ZFX: variants seen among roughly 807,000 people sequenced by gnomAD.
ZFX encodes zinc finger protein X-linked.
For missense variants in ZFX, 362 were observed against 628.3 expected (o/e 0.58, Z 4.53); for synonymous variants, 196 against 226.8 (o/e 0.86, Z 1.22).
At chrX:24,165,483 CTAAGT>C (rs1181938985) in intron 3 of ZFX, among the ~76,000 whole-genome samples, 1 of 112,557 alleles carries the variant, frequency 8.9e-6, no homozygotes, top group African/African-American at 3.2e-5. Flanking sequence ...AGAAAACTTA[CTAAGT>C]TAACAACTAT....
chrX:24,169,940 C>T (rs1569133818), intron 3 of ZFX, among the ~76,000 whole-genome samples: 1 of 110,470 alleles, frequency 9.1e-6, no homozygotes, highest in Admixed American at 9.7e-5. Flanking sequence ...GGAAGGAGAG[C>T]ACTTCACAAA....
At chrX:24,194,745 A>AT (rs201382772) in intron 5 of ZFX, among the ~76,000 whole-genome samples, 3,207 of 103,296 alleles carry the variant, frequency 0.031, 111 homozygotes, top group African/African-American at 0.08. Flanking sequence ...TACAGTAAAA[A>AT]ATTTTTTTTT....
chrX:24,198,581 C>G (rs143778777), intron 5 of ZFX, among the ~76,000 whole-genome samples: 90 of 108,588 alleles, frequency 8.3e-4, no homozygotes, highest in African/African-American at 3.0e-3. Context: ...ATGAATGTTG[C>G]TTGCTTACTC....
At chrX:24,161,667 C>T (rs1601810994) in intron 3 of ZFX, 1 of 103,653 alleles carries the variant, frequency 9.6e-6, no homozygotes, top group Non-Finnish European at 1.9e-5. Context: ...ACTAATCTAA[C>T]ATATTCTTTT....
chrX:24,172,687 C>T, intron 3 of ZFX, 28 bp from the exon 4 acceptor site: 1 of 1,074,139 alleles, frequency 9.3e-7, no homozygotes, highest in Non-Finnish European at 1.2e-6. Flanking sequence ...AAACTAATGG[C>T]TTTGGTTTAC....
At position 24,207,416 on chromosome X, in the gene ZFX, C is replaced by A. The variant is rs1040610638; in HGVS notation, c.737C>A (p.Thr246Asn). ...SEIDPCKVDG[T>N]CPEVIKVYIF... Reference sequence around the variant, plus strand: ...ATTGATCCTTGTAAAGTGGATGGCACTTGCCCTGAGGTCATCAAGGTGTAC... The same window carrying A: ...ATTGATCCTTGTAAAGTGGATGGCAATTGCCCTGAGGTCATCAAGGTGTAC... Residue 246 changes from threonine to asparagine, a missense_variant, in exon 6 of 10, where the codon ACT becomes AAT. Transcript: ENST00000304543. 2.5e-6 allele frequency: 3 copies of A among 1,210,505 alleles called. No individual in the cohort carries two copies. The highest frequency in any genetic ancestry group is 3.0e-5 in the East Asian group (1 of 33,820).
chrX:24,179,421 C>G lies in ZFX; in HGVS notation c.297C>G (p.Asp99Glu), dbSNP rs746241053. 8.3e-7 allele frequency: 1 copy of G among 1,210,953 alleles called. No homozygotes were observed. The highest frequency in any genetic ancestry group is 1.7e-5 in the African/African-American group (1 of 57,426). The change falls in exon 5 of 10, where the codon GAC becomes GAG. Residue 99 changes from aspartate to glutamate, a missense_variant. Transcript: ENST00000304543. ...ETVIIPEQVL[D>E]SDVTEEVSLA... Reference sequence around the variant, plus strand: ...TCATCATTCCTGAGCAAGTGCTGGACTCAGATGTAACTGAAGAAGTTTCTT... The same window carrying G: ...TCATCATTCCTGAGCAAGTGCTGGAGTCAGATGTAACTGAAGAAGTTTCTT...
At chrX:24,182,733 C>T (rs184582961) in intron 5 of ZFX, among the ~76,000 whole-genome samples, 2 of 109,778 alleles carry the variant, frequency 1.8e-5, no homozygotes, top group South Asian at 3.9e-4. Flanking sequence ...GCCTGGATGG[C>T]GAAAGTAAGT....
Position 24,172,795 on chromosome X carries a change from C to T in ZFX, c.53C>T (p.Ala18Val). 8.3e-7 allele frequency: 1 copy of T among 1,201,169 alleles called. No individual in the cohort carries two copies. The change falls in exon 4 of 10, where the codon GCA (alanine) becomes GTA (valine). Residue 18 changes from alanine to valine, a missense_variant. Ala to Val is a moderately conservative substitution (Grantham distance 64, BLOSUM62 0). Coordinates refer to ENST00000304543, the MANE Select transcript of ZFX (RefSeq NM_003410.4). The stretch of plus-strand genomic sequence containing the variant: ...CAAGAGCCAAACTCATTTTTTGATG[C>T]AACAGGTATAACTACTTGAATTGTT... ...LQQEPNSFFD[A>V]TGADGTHMDG...
rs1312312766 is a variant in ZFX, at chrX:24,207,234, C to CA, written c.647-81dup. On this transcript the variant is annotated intron_variant, in intron 5 of 9. Transcript: ENST00000304543. ...CCTGGGTGACAGTGAGACTCCGTCT[C>CA]AAAAAAAAAAATTTTTTTTTTTTTT... 1,864 of 824,303 alleles carry CA rather than the reference C, an allele frequency of 2.3e-3. 1 individual carries two copies. The highest frequency in any genetic ancestry group is 3.9e-3 in the African/African-American group (139 of 35,934). The allele number at this position is 824,303 out of a possible 1,213,427, so 67.9% of individuals were successfully genotyped here. A position where few individuals can be genotyped will look rare whatever the true frequency, so the allele number is the denominator to read the frequency against.
chrX:24,173,755 ATT>A (rs748379061), intron 4 of ZFX: 9,204 of 337,497 alleles, frequency 0.027, no homozygotes, highest in East Asian at 0.03. Flanking sequence ...TAACTTTTGT[ATT>A]TTTTTTTTTT....
chrX:24,212,616 T>C lies in ZFX; in HGVS notation c.*1240T>C, dbSNP rs1222247385. ...CAGACATGACTCCCACAGTTCTCTT[T>C]GAGAAGCCTGAGAGGGAACTCTGTC... On this transcript the variant is annotated 3_prime_UTR_variant, in exon 10 of 10. Transcript: ENST00000304543. 8.9e-6 allele frequency: 1 copy of C among 112,359 alleles called. No individual in the cohort carries two copies. The highest frequency in any genetic ancestry group is 1.9e-5 in the Non-Finnish European group (1 of 53,192). The allele number at this position is 112,359 out of a possible 1,213,427, so 9.3% of individuals were successfully genotyped here.
rs762873800 is a variant in ZFX, at chrX:24,179,654, CAGA to C, written c.536_538del (p.Glu179del). The C allele has an allele frequency of 2.6e-5, 31 of 1,210,173 alleles. No homozygotes were observed. The highest frequency in any genetic ancestry group is 2.3e-4 in the Middle Eastern group (1 of 4,376). On this transcript the variant is annotated inframe_deletion, in exon 5 of 10. Transcript: ENST00000304543. The stretch of plus-strand genomic sequence containing the variant: ...GATCCTCTGACTACCGACGTAGTTT[CAGA>C]AGAAGTATTGGTAGCAGACTGTGCC...
intron 3 of ZFX, among the ~76,000 whole-genome samples, chrX:24,163,074 T>A (rs1933528624): frequency 9.0e-6 from 1 of 110,623 alleles, no homozygotes; most frequent in South Asian, 3.7e-4. Context: ...CTCAAAAGTT[T>A]GCTTTAAATC....
At chrX:24,174,644 C>T (rs910117184) in intron 4 of ZFX, among the ~76,000 whole-genome samples, 9 of 110,627 alleles carry the variant, frequency 8.1e-5, no homozygotes, top group South Asian at 3.9e-4. Flanking sequence ...TCGCCTGCCT[C>T]GGCCTCCCAA....
intron 5 of ZFX, among the ~76,000 whole-genome samples, chrX:24,195,684 A>T (rs1936873917): frequency 9.0e-6 from 1 of 111,338 alleles, no homozygotes. Flanking sequence ...GTTCTAGTAG[A>T]GACGTTTCAC....
In ZFX at chrX:24,158,675, C is replaced by T. The variant is rs1218050499; in HGVS notation, c.-29+5845C>T. Among the ~76,000 whole-genome samples the T allele has an allele frequency of 2.7e-5, 3 of 111,115 alleles. No homozygotes were observed. The East Asian group carries it at 8.4e-4, about 31-fold the overall frequency. On this transcript the variant is annotated intron_variant, in intron 3 of 9. Transcript: ENST00000304543. ...ATTTTGAGCCGGGGTCTTGCTCTGT[C>T]GCCCAGGCTGGAGTGCAATGGTGCG...
At position 24,207,705 on chromosome X, in the gene ZFX, T is replaced by C. The variant is rs1388314630; in HGVS notation, c.797-7T>C. On this transcript the variant is annotated splice_region_variant and splice_polypyrimidine_tract_variant and intron_variant, in intron 6 of 9. Coordinates refer to ENST00000304543, the MANE Select transcript of ZFX (RefSeq NM_003410.4). ...TTATTGAAGCTGTCTTCTTCCCTGA[T>C]TGATAGGTGGAACTGTAGACATTGT... 5.1e-6 allele frequency: 6 copies of C among 1,186,311 alleles called. No individual in the cohort carries two copies. The East Asian group carries it at 1.5e-4, about 29-fold the overall frequency.
chrX:24,164,903 G>A (rs749178836), intron 3 of ZFX, among the ~76,000 whole-genome samples: 21 of 106,066 alleles, frequency 2.0e-4, no homozygotes, highest in African/African-American at 7.3e-4. Context: ...TGGCGATGTT[G>A]CACTCCAGCC....
Sources: allele counts gnomAD v4.1 joint callset (sites outside exome capture counted in the v4.1 genomes callset), GRCh38; gene constraint gnomAD v4.1.1; transcripts MANE v1.5; gene names NCBI Gene and HGNC (gene_info 2026-07-23, HGNC 2026-07-21).